Variants in CDH13 observed in about 807,000 individuals in gnomAD.
The protein encoded by CDH13 is cadherin 13.
A neutral mutation model predicts 63.8 loss-of-function variants in CDH13; 24 were observed. The observed-to-expected ratio is 0.38, with a 90% CI of 0.27 to 0.53. CDH13 has a LOEUF of 0.53. CDH13 is among the 20% of genes least tolerant of loss of function. CDH13 has a pLI of 0.85. For missense variants in CDH13, 1,049 were observed against 903.1 expected, an observed-to-expected ratio of 1.16 and a Z score of -2.07; for synonymous variants, 503 against 355.3, an observed-to-expected ratio of 1.42 and a Z score of -4.67.
chr16:83,588,934 C>A (rs916346208), intron 7 of CDH13, among the ~76,000 whole-genome samples: 3 of 152,064 alleles, frequency 2.0e-5, no homozygotes, highest in Admixed American at 6.5e-5. Flanking sequence ...TCAGCGGTCA[C>A]CCCCCAGAGA....
chr16:83,652,494 A>G (rs1912476033), intron 8 of CDH13, among the ~76,000 whole-genome samples: 1 of 152,104 alleles, frequency 6.6e-6, no homozygotes, highest in Non-Finnish European at 1.5e-5. Flanking sequence ...AACTTCAGCA[A>G]CACCCCATGG....
chr16:83,510,843 T>A (rs571113743), intron 7 of CDH13, among the ~76,000 whole-genome samples: 1 of 152,370 alleles, frequency 6.6e-6, no homozygotes, highest in East Asian at 1.9e-4. Flanking sequence ...CAGTTACATG[T>A]ACTAAAGGTC....
chr16:83,401,212 C>T (rs1426264260), intron 6 of CDH13, among the ~76,000 whole-genome samples: 4 of 151,948 alleles, frequency 2.6e-5, no homozygotes, highest in Admixed American at 2.6e-4. Flanking sequence ...GGTGTGTGCG[C>T]CTGTAATCCC....
At chr16:82,841,045 G>A (rs2038988682) in intron 1 of CDH13, among the ~76,000 whole-genome samples, 2 of 152,226 alleles carry the variant, frequency 1.3e-5, no homozygotes, top group African/African-American at 4.8e-5. Flanking sequence ...GATGACAGAA[G>A]GCAAATGGTA....
intron 10 of CDH13, among the ~76,000 whole-genome samples, chr16:83,708,083 G>A (rs997267522): frequency 6.6e-6 from 1 of 152,106 alleles, no homozygotes; most frequent in African/African-American, 2.4e-5. Flanking sequence ...AGCCAGCAGT[G>A]CTGATGGGAA....
At chr16:82,771,943 C>G (rs941012333) in intron 1 of CDH13, among the ~76,000 whole-genome samples, 11 of 152,336 alleles carry the variant, frequency 7.2e-5, no homozygotes, top group Middle Eastern at 3.4e-3. Flanking sequence ...TCTTGACCCA[C>G]AAGTCCTTGG....
At chr16:83,109,188 A>T (rs17279551) in intron 3 of CDH13, among the ~76,000 whole-genome samples, 14,089 of 152,174 alleles carry the variant, frequency 0.093, 722 homozygotes, top group African/African-American at 0.13. Context: ...CAGGGAAAAG[A>T]TGAGGATCAT....
intron 5 of CDH13, among the ~76,000 whole-genome samples, chr16:83,236,652 C>A (rs2040153684): frequency 6.6e-6 from 1 of 152,014 alleles, no homozygotes; most frequent in Admixed American, 6.6e-5. Flanking sequence ...TAGCTAGGTT[C>A]TTCCCACTTC....
At chr16:83,711,276 C>T (rs1401036729) in intron 10 of CDH13, among the ~76,000 whole-genome samples, 1 of 152,180 alleles carries the variant, frequency 6.6e-6, no homozygotes, top group East Asian at 1.9e-4. Context: ...GAATAAAAGC[C>T]TCCTGTGCTC....
intron 2 of CDH13, among the ~76,000 whole-genome samples, chr16:82,991,639 A>C (rs1341835414): frequency 6.6e-6 from 1 of 152,214 alleles, no homozygotes; most frequent in Admixed American, 6.5e-5. Flanking sequence ...TAAGTGATCA[A>C]AGGGCAAGTC....
chr16:82,656,920 T>C (rs1330776316), intron 1 of CDH13, among the ~76,000 whole-genome samples: 4 of 72,998 alleles, frequency 5.5e-5, no homozygotes, highest in Admixed American at 4.0e-4. Flanking sequence ...TGGTAGCTCT[T>C]TTTTTTTTTT....
intron 7 of CDH13, among the ~76,000 whole-genome samples, chr16:83,599,950 T>A (rs1472640735): frequency 6.6e-6 from 1 of 152,136 alleles, no homozygotes; most frequent in South Asian, 2.1e-4. Flanking sequence ...TTTCATATGG[T>A]CCAGCTGCAG....
At chr16:83,411,624 A>G (rs895278980) in intron 6 of CDH13, among the ~76,000 whole-genome samples, 20 of 152,326 alleles carry the variant, frequency 1.3e-4, no homozygotes, top group African/African-American at 4.1e-4. Flanking sequence ...GATGGCTCAA[A>G]TAACCTATGA....
chr16:82,933,150 A>G (rs190110397), intron 2 of CDH13, among the ~76,000 whole-genome samples: 672 of 152,272 alleles, frequency 4.4e-3, no homozygotes, highest in Non-Finnish European at 7.3e-3. Flanking sequence ...TCATGCAGCC[A>G]TGAAGACATA....
At position 83,532,646 on chromosome 16, in the gene CDH13, G is replaced by T. The variant is rs138343911; in HGVS notation, c.960+45991G>T. ...TATCAGCTCCACATTCGCCATGTCA[G>T]TTTCTTCCTCTGCAATCTCTGCAGT... On this transcript the variant is annotated intron_variant, in intron 7 of 13. Coordinates refer to ENST00000567109, the MANE Select transcript of CDH13 (RefSeq NM_001257.5). Among the ~76,000 whole-genome samples the T allele has an allele frequency of 7.1e-3, 1,075 of 152,324 alleles. 12 individuals carry two copies. Among genetic ancestry groups the T allele is most frequent in the African/African-American group, 0.024 (999 of 41,570 alleles).
At chr16:83,652,799 G>T (rs1274866662) in intron 8 of CDH13, among the ~76,000 whole-genome samples, 21 of 152,156 alleles carry the variant, frequency 1.4e-4, no homozygotes, top group Admixed American at 1.4e-3. Flanking sequence ...CCACTCCTAG[G>T]TGTAAACCGA....
chr16:82,781,330 G>A (rs990504974), intron 1 of CDH13, among the ~76,000 whole-genome samples: 10 of 152,094 alleles, frequency 6.6e-5, no homozygotes, highest in African/African-American at 2.4e-4. Context: ...CCTGCCTACC[G>A]TTCTGCTTGC....
intron 4 of CDH13, among the ~76,000 whole-genome samples, chr16:83,158,909 A>C (rs28599567): frequency 0.074 from 11,265 of 152,028 alleles, 1,360 homozygotes; most frequent in African/African-American, 0.26. Context: ...TCTTTACTTT[A>C]CTCACTTCCT....
intron 4 of CDH13, among the ~76,000 whole-genome samples, chr16:83,182,541 C>T (rs1320865942): frequency 6.6e-6 from 1 of 152,206 alleles, no homozygotes; most frequent in Non-Finnish European, 1.5e-5. Flanking sequence ...AGTCTCTAAG[C>T]TTTGTCCTTT....
Sources: allele counts gnomAD v4.1 joint callset (sites outside exome capture counted in the v4.1 genomes callset), GRCh38; gene constraint gnomAD v4.1.1; transcripts MANE v1.5; gene names NCBI Gene and HGNC (gene_info 2026-07-23, HGNC 2026-07-21).